ASH1L: variants seen among roughly 807,000 people sequenced by gnomAD.
ASH1L encodes the protein ASH1 like histone lysine methyltransferase.
In ASH1L, 23 loss-of-function variants were observed where a neutral mutation model predicts 269.0. That is an observed-to-expected ratio of 0.09 (90% CI 0.06 to 0.12). The LOEUF (loss-of-function observed/expected upper bound fraction) is 0.12. Among genes scored for constraint, ASH1L ranks in the 10% least tolerant of loss-of-function variants. The probability of loss-of-function intolerance (pLI) is 1.00; values close to 1 mark genes in which losing one functional copy is unlikely to be tolerated. For synonymous variants in ASH1L, 1,187 were observed against 1,253.5 expected, an observed-to-expected ratio of 0.95 and a Z score of 1.12; for missense variants, 2,912 against 3,567.8, an observed-to-expected ratio of 0.82 and a Z score of 4.68.
chr1:155,501,612 C>T (rs1376615878), intron 2 of ASH1L, among the ~76,000 whole-genome samples: 1 of 152,226 alleles, frequency 6.6e-6, no homozygotes, highest in Non-Finnish European at 1.5e-5. Flanking sequence ...CGCGGGTGAT[C>T]TGCCCACCTT....
In ASH1L at chr1:155,521,396, T is replaced by G. The variant is rs1384072053; in HGVS notation, c.124A>C (p.Asn42His). ...VSKREVELEK[N>H]TKEEEDLRKR... is the part of the protein sequence containing the mutation. ...CGAAGGTCCTCTTCCTCCTTTGTGT[T>G]TTTTTCTAGCTCTACTTCTCTCTTA... is the stretch of plus-strand genomic sequence containing the variant. The change falls in exon 2 of 28, where the codon AAC becomes CAC. Residue 42 changes from asparagine to histidine, a missense_variant. Physicochemically the swap from Asn to His is moderately conservative, Grantham distance 68. This residue lies in a region of ASH1L where 115 missense variants were observed against 101.5 expected (regional missense o/e 1.13). Transcript: ENST00000392403. 1.2e-6 allele frequency: 2 copies of G among 1,614,210 alleles called. No homozygotes were observed. The highest frequency in any genetic ancestry group is 1.1e-5 in the South Asian group (1 of 91,088).
intron 4 of ASH1L, among the ~76,000 whole-genome samples, chr1:155,446,877 A>T (rs570171274): frequency 6.6e-6 from 1 of 151,108 alleles, no homozygotes; most frequent in Non-Finnish European, 1.5e-5. Flanking sequence ...TGCTGGGATT[A>T]CAGGCGTGAG....
rs35340905 is a variant in ASH1L, at chr1:155,538,641, CTT to C, written c.-99-17025_-99-17024del. Among the ~76,000 whole-genome samples, 419 of 107,966 alleles carry C rather than the reference CTT, an allele frequency of 3.9e-3. 3 individuals are homozygous for C. The highest frequency in any genetic ancestry group is 8.9e-3 in the African/African-American group (264 of 29,726). 70.8% of individuals were successfully genotyped at this position (107,966 alleles called of 152,430 possible). ...ACAGGTGTGAACCACTGTACCCAGC[CTT>C]TTTTTTTTTTTTTTTTTTTTAATAA... is the stretch of plus-strand genomic sequence containing the variant. On this transcript the variant is annotated intron_variant, in intron 1 of 27. Transcript: ENST00000392403.
intron 2 of ASH1L, among the ~76,000 whole-genome samples, chr1:155,500,462 G>A (rs189279976): frequency 6.6e-5 from 10 of 152,212 alleles, no homozygotes; most frequent in African/African-American, 2.4e-4. Context: ...CATACAATCG[G>A]GTCTTCTTGC....
chr1:155,387,175 T>G (rs1338182986), intron 7 of ASH1L, among the ~76,000 whole-genome samples: 1 of 152,166 alleles, frequency 6.6e-6, no homozygotes, highest in African/African-American at 2.4e-5. Flanking sequence ...GATTTTGCCA[T>G]GTTGATCAGG....
intron 7 of ASH1L, among the ~76,000 whole-genome samples, chr1:155,392,155 T>G (rs1002448192): frequency 6.6e-6 from 1 of 152,162 alleles, no homozygotes; most frequent in African/African-American, 2.4e-5. Context: ...ATACATAGTT[T>G]AGGGGGTCAG....
At chr1:155,415,101 G>A (rs2148539163) in intron 6 of ASH1L, among the ~76,000 whole-genome samples, 1 of 152,078 alleles carries the variant, frequency 6.6e-6, no homozygotes, top group African/African-American at 2.4e-5. Flanking sequence ...AGCATCATTA[G>A]GGCCAGGCAC....
chr1:155,514,442 C>T (rs1571032286), intron 2 of ASH1L, among the ~76,000 whole-genome samples: 2 of 152,114 alleles, frequency 1.3e-5, no homozygotes, highest in Middle Eastern at 3.4e-3. Flanking sequence ...TTGAAATTTG[C>T]CACTTGATAT....
In ASH1L at chr1:155,545,175, C is replaced by CAAAAAAAAAAAAAAA. The variant is rs10624841; in HGVS notation, c.-100+16963_-100+16977dup. Among the ~76,000 whole-genome samples, 4 of 21,778 alleles carry CAAAAAAAAAAAAAAA rather than the reference C, an allele frequency of 1.8e-4. 1 individual carries two copies. Among genetic ancestry groups the CAAAAAAAAAAAAAAA allele is most frequent in the African/African-American group, 2.2e-4 (1 of 4,634 alleles). The allele number at this position is 21,778 out of a possible 152,430, so 14.3% of individuals were successfully genotyped here. On this transcript the variant is annotated intron_variant, in intron 1 of 27. Transcript: ENST00000392403. Reference sequence around the variant, plus strand: ...CAAGAAGAGCAAAACTCCATCTCACCAAAAAAAAAAAAAAAAAAAAAAAAA... The same window carrying CAAAAAAAAAAAAAAA: ...CAAGAAGAGCAAAACTCCATCTCACCAAAAAAAAAAAAAAAAAAAAAAAAAAAAAAAAAAAAAAAA...
rs1217669780 is a variant in ASH1L at position 155,478,139 on chromosome 1, A to G, written c.4731T>C (p.Ile1577=). The G allele has an allele frequency of 1.9e-6, 3 of 1,613,860 alleles. No homozygotes were observed. In the Admixed American group the frequency reaches 5.0e-5, roughly 27 times the overall value. Residue 1577 remains isoleucine, a synonymous_variant, in exon 3 of 28, where the codon ATT becomes ATC. Coordinates refer to ENST00000392403, the MANE Select transcript of ASH1L (RefSeq NM_018489.3). This position sits in a 1 kb window ranked among gnomAD's most constrained non-coding sequence, Gnocchi z 4.6. The part of the protein sequence containing the change: ...LALGLQTPLQ[I]DCSESSPSLS... ...AGCTTGGAGAACTTTCTGAACAGTC[A>G]ATCTGTAAAGGTGTCTGCAATCCCA...
At chr1:155,369,011 C>CA (rs767436410) in intron 12 of ASH1L, among the ~76,000 whole-genome samples, 6 of 152,144 alleles carry the variant, frequency 3.9e-5, no homozygotes, top group Non-Finnish European at 8.8e-5. Context: ...GAAATCAGAT[C>CA]AGTGCTTGCT....
In ASH1L at chr1:155,481,132, G is replaced by A. The variant is rs1444957398; in HGVS notation, c.1738C>T (p.Pro580Ser). The change falls in exon 3 of 28, where the codon CCT (proline) becomes TCT (serine). Residue 580 changes from proline to serine, a missense_variant. Coordinates refer to ENST00000392403, the MANE Select transcript of ASH1L (RefSeq NM_018489.3). ...SPPETSSQLA[P>S]NPLLLSSTTE... ...GTAGAACTTAAAAGTAATGGATTAG[G>A]AGCCAACTGTGAAGAAGTTTCAGGG... 3 of 1,614,076 alleles carry A rather than the reference G, an allele frequency of 1.9e-6. No individual in the cohort carries two copies. The highest frequency in any genetic ancestry group is 1.3e-5 in the African/African-American group (1 of 75,042).
rs938021422 is a variant in ASH1L, at chr1:155,362,189, C to T, written c.6687-1780G>A. ...TAGCTGGAATATAGGCACGTGCCAC[C>T]ACGCCCAGCTACTTTTTCATATTTT... On this transcript the variant is annotated intron_variant, in intron 12 of 27. Coordinates refer to ENST00000392403, the MANE Select transcript of ASH1L (RefSeq NM_018489.3). 5.9e-5 allele frequency among the ~76,000 whole-genome samples: 9 copies of T among 152,038 alleles called. No homozygotes were observed. The South Asian group carries it at 1.9e-3, about 32-fold the overall frequency.
intron 2 of ASH1L, among the ~76,000 whole-genome samples, chr1:155,515,097 G>A (rs989044295): frequency 2.6e-5 from 4 of 152,160 alleles, no homozygotes; most frequent in South Asian, 4.2e-4. Context: ...AAATGCCAGC[G>A]AAACCATTAC....
At chr1:155,338,505 T>C in intron 26 of ASH1L, 115 bp from the exon 27 acceptor site, 1 of 857,268 alleles carries the variant, frequency 1.2e-6, no homozygotes, top group South Asian at 2.0e-5. Flanking sequence ...GAGCCTTAGC[T>C]TGAGGTAAGA....
In ASH1L at chr1:155,415,932, A is replaced by C; in HGVS notation, c.5829-9T>G. On this transcript the variant is annotated splice_polypyrimidine_tract_variant and intron_variant, in intron 5 of 27. Transcript: ENST00000392403. ...CTGGTGCTTCATTAAAGCTAGAAAG[A>C]GAAGTTTAAAGATAATTTTATTATG... The C allele has an allele frequency of 6.7e-7, 1 of 1,495,792 alleles. No homozygotes were observed. The highest frequency in any genetic ancestry group is 8.9e-7 in the Non-Finnish European group (1 of 1,122,630). 92.7% of individuals were successfully genotyped at this position (1,495,792 alleles called of 1,614,324 possible).
intron 1 of ASH1L, among the ~76,000 whole-genome samples, chr1:155,539,103 CTT>C (rs1257514842): frequency 6.6e-6 from 1 of 152,088 alleles, no homozygotes; most frequent in African/African-American, 2.4e-5. Flanking sequence ...TTCAGTCAGT[CTT>C]TTGCTTCTCT....
chr1:155,560,064 CTCCTGTCAACATGT>C (rs1671855884), intron 1 of ASH1L, among the ~76,000 whole-genome samples: 1 of 152,182 alleles, frequency 6.6e-6, no homozygotes, highest in Admixed American at 6.6e-5. Context: ...CCCTAAAGTT[CTCCTGTCAACATGT>C]TCAAATACCA....
intron 7 of ASH1L, among the ~76,000 whole-genome samples, chr1:155,393,874 C>T (rs572622963): frequency 5.7e-4 from 87 of 152,062 alleles, no homozygotes; most frequent in South Asian, 1.5e-3. Context: ...TTCATTTGTA[C>T]GGCAAATATT....
Sources: gnomAD v4.1 joint callset for allele counts (sites outside exome capture counted in the v4.1 genomes callset) on GRCh38, gnomAD v4.1.1 for gene constraint, gnomAD v4.1.1 regional missense constraint, Gnocchi (gnomAD v3.1) non-coding constraint, MANE v1.5 for transcripts, NCBI Gene and HGNC (gene_info 2026-07-23, HGNC 2026-07-21) for gene names.